RAB31: variants seen among roughly 807,000 people sequenced by gnomAD.
RAB31 encodes the protein ras-related protein Rab-31.
A neutral mutation model predicts 25.6 loss-of-function variants in RAB31; 21 were observed. The observed-to-expected ratio is 0.82, with a 90% confidence interval of 0.58 to 1.18. The LOEUF is 1.18. Ranked by LOEUF, RAB31 falls within the 50% of genes most tolerant of loss-of-function variation. RAB31 has a pLI of 0.00. For synonymous variants in RAB31, 87 were observed against 84.0 expected, an observed-to-expected ratio of 1.04 and a Z score of -0.20; for missense variants, 196 against 250.1, an observed-to-expected ratio of 0.78 and a Z score of 1.46.
chr18:9,793,975 G>C (rs746022823), intron 3 of RAB31, among the ~76,000 whole-genome samples: 2 of 152,082 alleles, frequency 1.3e-5, no homozygotes, highest in Non-Finnish European at 2.9e-5. Flanking sequence ...CTGTCACCCA[G>C]GCTGGAGTGC....
At chr18:9,738,846 T>G (rs2068163537) in intron 1 of RAB31, among the ~76,000 whole-genome samples, 1 of 152,144 alleles carries the variant, frequency 6.6e-6, no homozygotes, top group African/African-American at 2.4e-5. Context: ...GGACTCAGCC[T>G]CCCGCTGTGG....
chr18:9,711,092 C>G (rs777497004), intron 1 of RAB31, among the ~76,000 whole-genome samples: 9 of 152,208 alleles, frequency 5.9e-5, no homozygotes, highest in Non-Finnish European at 1.3e-4. Context: ...TCTAGCTGCT[C>G]ATCCAATTAG....
In RAB31 at chr18:9,758,361, C is replaced by T. The variant is rs1353586600; in HGVS notation, c.40-16917C>T. Among the ~76,000 whole-genome samples, 3 of 152,030 alleles carry T rather than the reference C, an allele frequency of 2.0e-5. No individual in the cohort carries two copies. In the East Asian group the frequency reaches 5.8e-4, roughly 29 times the overall value. On this transcript the variant is annotated intron_variant, in intron 1 of 6. Transcript: ENST00000578921. ...TCATGGGGAGGTGCTGGCTTCTTTG[C>T]CTCCTGGGGGGAAAAGCCCCAAATG...
At chr18:9,834,017 A>G (rs1477844390) in intron 5 of RAB31, among the ~76,000 whole-genome samples, 2 of 152,252 alleles carry the variant, frequency 1.3e-5, no homozygotes, top group African/African-American at 2.4e-5. Flanking sequence ...AATAGAGCCA[A>G]TTAATGAGAT....
intron 3 of RAB31, among the ~76,000 whole-genome samples, chr18:9,796,597 A>G (rs1053414369): frequency 2.2e-4 from 33 of 152,278 alleles, no homozygotes; most frequent in African/African-American, 7.9e-4. Context: ...GAAAGAAAAA[A>G]TAATCCTTTA....
chr18:9,820,123 C>G (rs1254279946), intron 5 of RAB31, among the ~76,000 whole-genome samples: 2 of 152,008 alleles, frequency 1.3e-5, no homozygotes, highest in Non-Finnish European at 2.9e-5. Context: ...AGTGCACATT[C>G]TTGTTTCTTC....
intron 2 of RAB31, among the ~76,000 whole-genome samples, chr18:9,778,620 G>A (rs1445938734): frequency 2.0e-5 from 3 of 152,210 alleles, no homozygotes; most frequent in East Asian, 1.9e-4. Context: ...ACAGTTGCAC[G>A]CCACCATGCC....
intron 5 of RAB31, among the ~76,000 whole-genome samples, chr18:9,820,980 ATATT>A (rs1243593751): frequency 6.6e-6 from 1 of 152,000 alleles, no homozygotes; most frequent in African/African-American, 2.4e-5. Flanking sequence ...AAAGGTTAGC[ATATT>A]TATTCGAGAT....
intron 5 of RAB31, among the ~76,000 whole-genome samples, chr18:9,830,123 C>G (rs776944585): frequency 6.6e-6 from 1 of 152,006 alleles, no homozygotes; most frequent in East Asian, 1.9e-4. Context: ...GCCTCAGCCT[C>G]TCAAGTAGCT....
intron 1 of RAB31, among the ~76,000 whole-genome samples, chr18:9,723,990 A>G (rs1310584041): frequency 1.3e-5 from 2 of 152,244 alleles, no homozygotes; most frequent in South Asian, 2.1e-4. Context: ...GTAATATTGT[A>G]TAATCAAAAT....
chr18:9,760,277 G>A (rs1031557), intron 1 of RAB31, among the ~76,000 whole-genome samples: 71,718 of 151,574 alleles, frequency 0.47, 17,397 homozygotes, highest in East Asian at 0.65. Context: ...AGCCTCAAGC[G>A]ATCCTCCTAC....
intron 5 of RAB31, among the ~76,000 whole-genome samples, chr18:9,832,399 A>T (rs2068683240): frequency 6.6e-6 from 1 of 152,070 alleles, no homozygotes; most frequent in Non-Finnish European, 1.5e-5. Context: ...TGCAAAGTAC[A>T]CCCCACACGG....
At chr18:9,722,328 G>A (rs2068077310) in intron 1 of RAB31, among the ~76,000 whole-genome samples, 1 of 152,166 alleles carries the variant, frequency 6.6e-6, no homozygotes, top group Non-Finnish European at 1.5e-5. Flanking sequence ...CTTCCAGAGT[G>A]TAGCAGCAAG....
intron 3 of RAB31, among the ~76,000 whole-genome samples, chr18:9,809,537 T>C (rs1210012552): frequency 1.3e-5 from 2 of 152,164 alleles, no homozygotes; most frequent in East Asian, 3.8e-4. Context: ...GGAAACCTTT[T>C]TTCCTGGCCA....
intron 2 of RAB31, among the ~76,000 whole-genome samples, chr18:9,778,175 C>T (rs371651853): frequency 4.6e-5 from 7 of 152,066 alleles, no homozygotes; most frequent in South Asian, 2.1e-4. Flanking sequence ...AGGGTAGTTA[C>T]GTAATTTTGG....
chr18:9,763,126 G>A (rs1878095644), intron 1 of RAB31, among the ~76,000 whole-genome samples: 3 of 151,994 alleles, frequency 2.0e-5, no homozygotes, highest in South Asian at 2.1e-4. Context: ...TCCCGGCACC[G>A]AGACCATCTG....
intron 6 of RAB31, among the ~76,000 whole-genome samples, chr18:9,851,148 A>G (rs1460063366): frequency 6.6e-6 from 1 of 152,234 alleles, no homozygotes; most frequent in Non-Finnish European, 1.5e-5. Flanking sequence ...TTAAGGAACA[A>G]GGAAAGGACA....
chr18:9,775,241 C>T (rs1310850255), intron 1 of RAB31, 37 bp from the exon 2 acceptor site: 1 of 1,613,114 alleles, frequency 6.2e-7, no homozygotes, highest in Non-Finnish European at 8.5e-7. Flanking sequence ...GAGTTGCCGC[C>T]CTTCATCTTC....
chr18:9,712,622 A>G lies in RAB31; in HGVS notation c.39+4178A>G, dbSNP rs2068023207. Among the ~76,000 whole-genome samples, 5 of 152,376 alleles carry G rather than the reference A, an allele frequency of 3.3e-5. No homozygotes were observed. The South Asian group carries it at 1.0e-3, about 32-fold the overall frequency. On this transcript the variant is annotated intron_variant, in intron 1 of 6. Coordinates refer to ENST00000578921, the MANE Select transcript of RAB31 (RefSeq NM_006868.4). Reference sequence around the variant, plus strand: ...AAAAGTTTCCCAGTATGCATTTTTAACACACATCACCATGTGGCAAGAAGC... The same window carrying G: ...AAAAGTTTCCCAGTATGCATTTTTAGCACACATCACCATGTGGCAAGAAGC...
Sources: allele counts gnomAD v4.1 joint callset (sites outside exome capture counted in the v4.1 genomes callset), GRCh38; gene constraint gnomAD v4.1.1; transcripts MANE v1.5; gene names NCBI Gene and HGNC (gene_info 2026-07-23, HGNC 2026-07-21).